The following CELF4 variants were observed in gnomAD, a reference collection of about 807,000 sequenced individuals.
The protein encoded by CELF4 is CUG-BP- and ETR-3-like factor 4.
In CELF4, 18 loss-of-function variants were observed where a neutral mutation model predicts 59.9. The ratio of observed to expected loss-of-function variants is 0.30; its 90% CI spans 0.21 to 0.45. The LOEUF (loss-of-function observed/expected upper bound fraction) is 0.45, where lower values mean the gene tolerates loss of function less well. CELF4 is among the 20% of genes least tolerant of loss of function. The probability of loss-of-function intolerance (pLI) is 1.00; values close to 1 mark genes in which losing one functional copy is unlikely to be tolerated. For missense variants in CELF4, 456 were observed against 689.0 expected (o/e 0.66, Z 3.79); for synonymous variants, 261 against 267.1 (o/e 0.98, Z 0.22).
Position 37,565,756 on chromosome 18 carries a change from C to G in CELF4, c.-115G>C. 1.3e-6 allele frequency: 1 copy of G among 789,656 alleles called. No homozygotes were observed. Among genetic ancestry groups the G allele is most frequent in the Non-Finnish European group, 1.9e-6 (1 of 533,758 alleles). The allele number at this position is 789,656 out of a possible 1,614,324, so 48.9% of individuals were successfully genotyped here. Reference sequence around the variant, plus strand: ...ACACACACTCGGGTTCTCTCCCCCTCGGTTTCTCTACACCTCGCTCTCCGC... The same window carrying G: ...ACACACACTCGGGTTCTCTCCCCCTGGGTTTCTCTACACCTCGCTCTCCGC... On this transcript the variant is annotated 5_prime_UTR_variant, in exon 1 of 13. Coordinates refer to ENST00000420428, the MANE Select transcript of CELF4 (RefSeq NM_020180.4).
intron 1 of CELF4, among the ~76,000 whole-genome samples, chr18:37,548,954 T>C (rs1297218633): frequency 6.6e-6 from 1 of 152,140 alleles, no homozygotes; most frequent in Non-Finnish European, 1.5e-5. Flanking sequence ...AGGGCCAAGC[T>C]GGAGGGGCCT....
intron 2 of CELF4, among the ~76,000 whole-genome samples, chr18:37,330,639 G>A (rs2097506162): frequency 6.6e-6 from 1 of 152,146 alleles, no homozygotes; most frequent in African/African-American, 2.4e-5. Context: ...CCCACGCAGG[G>A]CCCAGCATGG....
At chr18:37,268,447 C>A (rs1201474745) in intron 8 of CELF4, among the ~76,000 whole-genome samples, 1 of 152,226 alleles carries the variant, frequency 6.6e-6, no homozygotes, top group Non-Finnish European at 1.5e-5. Context: ...TGGCTTTATG[C>A]AAATTAGAAA....
chr18:37,335,166 C>A (rs764017383), intron 2 of CELF4, among the ~76,000 whole-genome samples: 25 of 152,060 alleles, frequency 1.6e-4, no homozygotes, highest in Admixed American at 5.9e-4. Context: ...AAATTCCAGA[C>A]AACAGCCGCG....
intron 2 of CELF4, among the ~76,000 whole-genome samples, chr18:37,406,730 C>G (rs373034671): frequency 1.0e-3 from 159 of 152,274 alleles, no homozygotes; most frequent in African/African-American, 3.6e-3. Flanking sequence ...TTATATGCAG[C>G]CTTTGAGTGC....
At chr18:37,358,328 C>T (rs752598887) in intron 2 of CELF4, among the ~76,000 whole-genome samples, 5 of 152,194 alleles carry the variant, frequency 3.3e-5, no homozygotes, top group Non-Finnish European at 7.3e-5. Context: ...CTCTCTTTGC[C>T]TGCTGCCATC....
intron 2 of CELF4, among the ~76,000 whole-genome samples, chr18:37,416,300 G>T (rs2099528039): frequency 6.6e-6 from 1 of 152,020 alleles, no homozygotes; most frequent in South Asian, 2.1e-4. Context: ...ATTTGCTCTT[G>T]CCTGTAATCC....
intron 3 of CELF4, 32 bp from the exon 4 acceptor site, chr18:37,275,275 C>T (rs2092905558): frequency 2.5e-6 from 4 of 1,611,948 alleles, no homozygotes; most frequent in Non-Finnish European, 3.4e-6. Context: ...CTTACCCGGG[C>T]CAGGGACCGG....
chr18:37,290,881 T>C (rs1569537004), intron 3 of CELF4, among the ~76,000 whole-genome samples: 1 of 152,196 alleles, frequency 6.6e-6, no homozygotes, highest in Non-Finnish European at 1.5e-5. Flanking sequence ...CTCTACAACA[T>C]GATCCATGAC....
intron 2 of CELF4, among the ~76,000 whole-genome samples, chr18:37,421,632 C>G (rs190092229): frequency 1.1e-4 from 17 of 152,354 alleles, no homozygotes; most frequent in Non-Finnish European, 2.2e-4. Context: ...CTTTGGGGTA[C>G]CTGTGGCCTG....
At chr18:37,524,491 G>A (rs990377284) in intron 1 of CELF4, among the ~76,000 whole-genome samples, 2 of 152,042 alleles carry the variant, frequency 1.3e-5, no homozygotes, top group Admixed American at 6.5e-5. Context: ...CCACCTCCCC[G>A]CTTTTTTTAT....
intron 2 of CELF4, among the ~76,000 whole-genome samples, chr18:37,414,168 A>G (rs991196044): frequency 2.0e-5 from 3 of 152,100 alleles, no homozygotes; most frequent in Non-Finnish European, 2.9e-5. Context: ...GCCAGTTTCA[A>G]GTTTCTTATT....
chr18:37,419,173 A>G (rs908586818), intron 2 of CELF4, among the ~76,000 whole-genome samples: 1 of 152,214 alleles, frequency 6.6e-6, no homozygotes, highest in East Asian at 1.9e-4. Flanking sequence ...GGCTAAGTCA[A>G]TGTTACAGAC....
intron 1 of CELF4, among the ~76,000 whole-genome samples, chr18:37,550,090 G>GC (rs1555649367): frequency 1.3e-4 from 16 of 120,722 alleles, no homozygotes; most frequent in South Asian, 3.3e-4. Context: ...GGGTGGGGGG[G>GC]GGGGATCCGT....
At chr18:37,351,854 G>A (rs968471659) in intron 2 of CELF4, among the ~76,000 whole-genome samples, 2 of 151,992 alleles carry the variant, frequency 1.3e-5, no homozygotes. Context: ...GGCCTCAAGT[G>A]ATCTGCCCAC....
intron 10 of CELF4, 66 bp downstream of exon 10, chr18:37,264,608 A>C: frequency 7.3e-7 from 1 of 1,371,822 alleles, no homozygotes; most frequent in Non-Finnish European, 1.0e-6. Context: ...CCCAAGGCCC[A>C]GGTGAGCAGC....
At chr18:37,475,280 C>G (rs2099845622) in intron 2 of CELF4, among the ~76,000 whole-genome samples, 1 of 152,150 alleles carries the variant, frequency 6.6e-6, no homozygotes, top group Admixed American at 6.5e-5. Context: ...AACATTAGGC[C>G]AGTGGTGGTT....
intron 1 of CELF4, among the ~76,000 whole-genome samples, chr18:37,505,994 C>T (rs1013315898): frequency 3.9e-5 from 6 of 152,160 alleles, no homozygotes; most frequent in African/African-American, 1.4e-4. Flanking sequence ...AGTTGCCCCT[C>T]CCAGGCCCAG....
chr18:37,367,370 G>T (rs2098798290), intron 2 of CELF4, among the ~76,000 whole-genome samples: 1 of 152,068 alleles, frequency 6.6e-6, no homozygotes, highest in Admixed American at 6.6e-5. Context: ...AGTTCGTTTG[G>T]GGCCAGGAGC....
Sources: gnomAD v4.1 joint callset for allele counts (sites outside exome capture counted in the v4.1 genomes callset) on GRCh38, gnomAD v4.1.1 for gene constraint, MANE v1.5 for transcripts, NCBI Gene and HGNC (gene_info 2026-07-23, HGNC 2026-07-21) for gene names.